The following RERE variants were observed in gnomAD, a reference collection of about 807,000 sequenced individuals.
RERE encodes the protein arginine-glutamic acid dipeptide repeats protein.
Under a neutral mutation model 146.1 loss-of-function variants are expected in RERE, and 40 were observed. The observed-to-expected ratio is 0.27, with a 90% CI of 0.21 to 0.36. RERE has a LOEUF of 0.36. Ranked by LOEUF, RERE falls within the 10% of genes least tolerant of loss-of-function variation. The pLI, the probability that RERE is intolerant of heterozygous loss-of-function variation, is 1.00. For missense variants in RERE, 1,933 were observed against 2,138.7 expected (o/e 0.90, Z 1.90); for synonymous variants, 1,003 against 866.0 (o/e 1.16, Z -2.78).
chr1:8,375,765 TTTCCTCACTCAGCAGCCACTGAAAATGC>T (rs1642222467), intron 12 of RERE, among the ~76,000 whole-genome samples: 5 of 80,320 alleles, frequency 6.2e-5, no homozygotes, highest in East Asian at 3.7e-4. Flanking sequence ...ACTGAAAATG[TTTCCTCACTCAGCAGCCACTGAAAATGC>T]TTCCTCACTC....
At chr1:8,580,527 A>C (rs115876921) in intron 4 of RERE, among the ~76,000 whole-genome samples, 1,820 of 152,336 alleles carry the variant, frequency 0.012, 32 homozygotes, top group African/African-American at 0.041. Flanking sequence ...AATACAGAAA[A>C]TGTTTTCTAA....
intron 1 of RERE, among the ~76,000 whole-genome samples, chr1:8,783,799 G>A (rs991388043): frequency 2.2e-4 from 34 of 152,068 alleles, no homozygotes; most frequent in Admixed American, 1.7e-3. Flanking sequence ...GCCCCTTACC[G>A]GTGAACATCT....
chr1:8,361,580 G>T, intron 17 of RERE, 90 bp from the exon 18 acceptor site: 1 of 1,532,134 alleles, frequency 6.5e-7, no homozygotes, highest in Non-Finnish European at 8.9e-7. Flanking sequence ...AGTAATGTTT[G>T]TGCAGATGAA....
chr1:8,803,508 C>T (rs1010367586), intron 1 of RERE, among the ~76,000 whole-genome samples: 7 of 151,966 alleles, frequency 4.6e-5, no homozygotes, highest in African/African-American at 7.3e-5. Flanking sequence ...TGTTCATTAT[C>T]GACCATCACA....
chr1:8,503,476 A>G (rs1645208824), intron 8 of RERE, among the ~76,000 whole-genome samples: 1 of 152,206 alleles, frequency 6.6e-6, no homozygotes, highest in East Asian at 1.9e-4. Flanking sequence ...GAATCAACTC[A>G]TATGCCTATT....
chr1:8,723,582 G>A (rs1385393161), intron 1 of RERE, among the ~76,000 whole-genome samples: 1 of 152,090 alleles, frequency 6.6e-6, no homozygotes, highest in Admixed American at 6.6e-5. Flanking sequence ...ACTGTGCTAT[G>A]TACACTGAAA....
intron 2 of RERE, among the ~76,000 whole-genome samples, chr1:8,630,209 C>T (rs1647019066): frequency 6.6e-6 from 1 of 152,114 alleles, no homozygotes; most frequent in Admixed American, 6.5e-5. Context: ...ACGCTGAAAT[C>T]CCGGTACCCA....
chr1:8,734,034 G>GT (rs983415178), intron 1 of RERE, among the ~76,000 whole-genome samples: 5 of 88,904 alleles, frequency 5.6e-5, no homozygotes, highest in African/African-American at 2.3e-4. Context: ...CTTGAACCCA[G>GT]AGGTGGAGGT....
At chr1:8,727,205 C>T (rs942347597) in intron 1 of RERE, among the ~76,000 whole-genome samples, 25 of 152,248 alleles carry the variant, frequency 1.6e-4, no homozygotes, top group Admixed American at 6.5e-4. Flanking sequence ...TGCAGTGGCG[C>T]GATCTCGGCT....
rs1557583435 is a variant in RERE, at chr1:8,358,733, T to C, written c.3802A>G (p.Thr1268Ala). Residue 1268 changes from threonine to alanine, a missense_variant, in exon 20 of 23, where the codon ACC (threonine) becomes GCC (alanine). Transcript: ENST00000400908. The stretch of plus-strand genomic sequence containing the variant: ...ATGTAGAAGGGGTGGTTGCGGTTGG[T>C]GGGCGACATGACGTGGGGCCGGGCG... ...EYARPHVMSP[T>A]NRNHPFYMPL... 1 of 1,607,256 alleles carries C rather than the reference T, an allele frequency of 6.2e-7. No homozygotes were observed. The highest frequency in any genetic ancestry group is 1.3e-5 in the African/African-American group (1 of 74,716).
intron 7 of RERE, among the ~76,000 whole-genome samples, chr1:8,525,178 G>T (rs1208826542): frequency 6.6e-6 from 1 of 152,102 alleles, no homozygotes; most frequent in East Asian, 1.9e-4. Context: ...TCAATTTTAA[G>T]GTGTTATTGT....
chr1:8,464,456 G>A (rs961764974), intron 11 of RERE, among the ~76,000 whole-genome samples: 1 of 151,996 alleles, frequency 6.6e-6, no homozygotes, highest in Non-Finnish European at 1.5e-5. Context: ...AGAGACCACC[G>A]GACTCAGCGG....
At chr1:8,421,647 T>C (rs1321849599) in intron 12 of RERE, among the ~76,000 whole-genome samples, 2 of 152,058 alleles carry the variant, frequency 1.3e-5, no homozygotes, top group Non-Finnish European at 2.9e-5. Context: ...ACAGTAAGTG[T>C]CCAGAAAAAC....
At chr1:8,380,647 C>T (rs1642413335) in intron 12 of RERE, 1 of 361,536 alleles carries the variant, frequency 2.8e-6, no homozygotes, top group Non-Finnish European at 5.4e-6. Flanking sequence ...AAGCCTGGCC[C>T]ATCAAGAGCT....
chr1:8,640,029 T>C (rs541407722), intron 2 of RERE, among the ~76,000 whole-genome samples: 1 of 152,246 alleles, frequency 6.6e-6, no homozygotes, highest in South Asian at 2.1e-4. Flanking sequence ...GATATGCACC[T>C]GTGATCCCAG....
chr1:8,385,993 A>AAAAATAT (rs1553159741), intron 12 of RERE, among the ~76,000 whole-genome samples: 6 of 26,478 alleles, frequency 2.3e-4, no homozygotes, highest in Non-Finnish European at 2.8e-4. Flanking sequence ...AAAAAAAAAA[A>AAAAATAT]ATATATATAT....
At chr1:8,563,239 C>G (rs1276957991) in intron 4 of RERE, among the ~76,000 whole-genome samples, 1 of 152,114 alleles carries the variant, frequency 6.6e-6, no homozygotes, top group African/African-American at 2.4e-5. Flanking sequence ...TTCCTAGAAA[C>G]AGTCTTAATA....
At chr1:8,481,403 C>T (rs781497043) in intron 10 of RERE, among the ~76,000 whole-genome samples, 7 of 152,144 alleles carry the variant, frequency 4.6e-5, no homozygotes, top group East Asian at 1.9e-4. Flanking sequence ...CGTGACCCAC[C>T]GCACCCGGCC....
At chr1:8,746,562 C>G (rs570829104) in intron 1 of RERE, among the ~76,000 whole-genome samples, 1 of 152,084 alleles carries the variant, frequency 6.6e-6, no homozygotes, top group Admixed American at 6.5e-5. Flanking sequence ...TTATATGGTA[C>G]TCAAAGTATG....
Sources: allele counts gnomAD v4.1 joint callset (sites outside exome capture counted in the v4.1 genomes callset), GRCh38; gene constraint gnomAD v4.1.1; transcripts MANE v1.5; gene names NCBI Gene and HGNC (gene_info 2026-07-23, HGNC 2026-07-21).